Variants in INSC observed in about 807,000 individuals in gnomAD.
The protein encoded by INSC is protein inscuteable homolog.
In INSC, 67 loss-of-function variants were observed where a neutral mutation model predicts 58.6. That is an observed-to-expected ratio of 1.14 (90% confidence interval 0.94 to 1.40). The LOEUF is 1.40. Ranked by LOEUF, INSC falls within the 40% of genes most tolerant of loss-of-function variation. The pLI, the probability that INSC is intolerant of heterozygous loss-of-function variation, is 0.00. For synonymous variants in INSC, 262 were observed against 276.1 expected, an observed-to-expected ratio of 0.95 and a Z score of 0.51; for missense variants, 714 against 692.0, an observed-to-expected ratio of 1.03 and a Z score of -0.36.
At chr11:15,187,863 G>C (rs1850029925) in intron 5 of INSC, among the ~76,000 whole-genome samples, 1 of 151,928 alleles carries the variant, frequency 6.6e-6, no homozygotes, top group Non-Finnish European at 1.5e-5. Flanking sequence ...ATGTCTTCTT[G>C]ATTTCCTGAA....
chr11:15,226,621 C>G (rs955907761), intron 9 of INSC, among the ~76,000 whole-genome samples: 1 of 152,180 alleles, frequency 6.6e-6, no homozygotes, highest in Non-Finnish European at 1.5e-5. Flanking sequence ...TCGTCCTCAA[C>G]TCAGCTTATC....
intron 9 of INSC, among the ~76,000 whole-genome samples, chr11:15,231,060 G>T (rs1052824901): frequency 2.6e-5 from 4 of 152,172 alleles, no homozygotes; most frequent in African/African-American, 9.7e-5. Flanking sequence ...GGCCATGTCT[G>T]CCAGAGGGAG....
intron 5 of INSC, among the ~76,000 whole-genome samples, chr11:15,189,747 C>T (rs1421841349): frequency 3.3e-5 from 5 of 152,270 alleles, no homozygotes; most frequent in East Asian, 1.9e-4. Flanking sequence ...ATGAGGCCCT[C>T]GAAGGTTGCT....
chr11:15,158,771 T>TATAGAATAC lies in INSC; in HGVS notation c.56+9546_56+9547insATACATAGA, dbSNP rs1848905071. ...GTGGGCAGGCTTAAAGGAGATAATA[T>TATAGAATAC]ATAGAGAGGGCTTGGACACTGCCTG... On this transcript the variant is annotated intron_variant, in intron 2 of 12. Transcript: ENST00000379556. Among the ~76,000 whole-genome samples the TATAGAATAC allele has an allele frequency of 2.6e-5, 4 of 151,760 alleles. No homozygotes were observed. In the South Asian group the frequency reaches 8.3e-4, roughly 32 times the overall value.
chr11:15,146,360 A>T (rs1370698771), intron 1 of INSC, among the ~76,000 whole-genome samples: 1 of 152,192 alleles, frequency 6.6e-6, no homozygotes, highest in African/African-American at 2.4e-5. Flanking sequence ...TTTAGACATT[A>T]AGGAATCTTA....
intron 11 of INSC, among the ~76,000 whole-genome samples, chr11:15,239,390 C>CATTT (rs1267732631): frequency 6.6e-6 from 1 of 152,212 alleles, no homozygotes; most frequent in Non-Finnish European, 1.5e-5. Context: ...TTCATATACT[C>CATTT]ATTTATTTAC....
intron 1 of INSC, among the ~76,000 whole-genome samples, chr11:15,148,690 G>C (rs1848555755): frequency 6.6e-6 from 1 of 152,146 alleles, no homozygotes; most frequent in African/African-American, 2.4e-5. Context: ...GTGAATAAGC[G>C]AGTTCTACAG....
rs145231440 is a variant in INSC, at chr11:15,115,528, G to T, written c.-46+525G>T. On this transcript the variant is annotated intron_variant, in intron 1 of 12. Transcript: ENST00000379556. ...CAGCTTTGGTTTCTCAGGGCTTGGA[G>T]AAGGACAGAAGCTCAGAGCCCTCAC... Among the ~76,000 whole-genome samples, 944 of 152,296 alleles carry T rather than the reference G, an allele frequency of 6.2e-3. 6 individuals carry two copies. Among genetic ancestry groups the T allele is most frequent in the Non-Finnish European group, 9.2e-3 (629 of 68,014 alleles).
chr11:15,199,865 C>G (rs1275835041), intron 6 of INSC, among the ~76,000 whole-genome samples: 1 of 152,178 alleles, frequency 6.6e-6, no homozygotes, highest in African/African-American at 2.4e-5. Flanking sequence ...TCCTGCCACT[C>G]TAAATGCCCC....
chr11:15,175,831 C>T lies in INSC; in HGVS notation c.147C>T (p.Ala49=). Reference sequence around the variant, plus strand: ...GCGAGTGCATGTGTGTCCTGCAGGCCAAGCCCATCAGCCTGGAAGAGGATG... The same window carrying T: ...GCGAGTGCATGTGTGTCCTGCAGGCTAAGCCCATCAGCCTGGAAGAGGATG... ...TECECMCVLQ[A]KPISLEEDAQ... Residue 49 remains alanine (A), a synonymous_variant, in exon 3 of 13, where the codon GCC becomes GCT. Transcript: ENST00000379556. 6.2e-7 allele frequency: 1 copy of T among 1,611,938 alleles called. No individual in the cohort carries two copies. The highest frequency in any genetic ancestry group is 8.5e-7 in the Non-Finnish European group (1 of 1,178,248).
chr11:15,162,888 T>A (rs1200979948), intron 2 of INSC, among the ~76,000 whole-genome samples: 1 of 152,188 alleles, frequency 6.6e-6, no homozygotes, highest in Non-Finnish European at 1.5e-5. Context: ...TTAGGTCTAT[T>A]AGATTCACCG....
intron 1 of INSC, among the ~76,000 whole-genome samples, chr11:15,127,530 A>C (rs1272775048): frequency 6.6e-6 from 1 of 152,226 alleles, no homozygotes; most frequent in East Asian, 1.9e-4. Flanking sequence ...CTTGGTCAGC[A>C]TCCTGTCCTG....
intron 6 of INSC, among the ~76,000 whole-genome samples, chr11:15,197,290 G>T (rs572499972): frequency 1.3e-5 from 2 of 152,182 alleles, no homozygotes; most frequent in African/African-American, 2.4e-5. Context: ...AAGATTCAGG[G>T]AGGACTTCCA....
chr11:15,130,542 T>A (rs1266346718), intron 1 of INSC, among the ~76,000 whole-genome samples: 4 of 152,210 alleles, frequency 2.6e-5, no homozygotes, highest in Non-Finnish European at 5.9e-5. Flanking sequence ...GCCTGTATAT[T>A]TCTTTTCTTG....
chr11:15,168,057 A>G (rs1227947095), intron 2 of INSC, among the ~76,000 whole-genome samples: 1 of 151,986 alleles, frequency 6.6e-6, no homozygotes, highest in African/African-American at 2.4e-5. Context: ...GGTCCTCCCC[A>G]TCTGCCTATG....
intron 7 of INSC, among the ~76,000 whole-genome samples, chr11:15,206,895 A>C (rs1419386497): frequency 1.3e-5 from 2 of 152,118 alleles, no homozygotes; most frequent in African/African-American, 2.4e-5. Context: ...TCCCATGCCC[A>C]TTTGTCTCTA....
chr11:15,125,366 T>C (rs1374765015), intron 1 of INSC, among the ~76,000 whole-genome samples: 1 of 152,222 alleles, frequency 6.6e-6, no homozygotes, highest in Non-Finnish European at 1.5e-5. Context: ...TTGAAGAACG[T>C]TGGCTTTTAA....
At chr11:15,178,033 C>T (rs976282831) in intron 4 of INSC, among the ~76,000 whole-genome samples, 4 of 152,188 alleles carry the variant, frequency 2.6e-5, no homozygotes, top group African/African-American at 7.2e-5. Context: ...ACCCTGGCTG[C>T]AATGATGGCA....
chr11:15,231,411 C>T (rs1056945145), intron 9 of INSC, among the ~76,000 whole-genome samples: 5 of 152,170 alleles, frequency 3.3e-5, no homozygotes, highest in South Asian at 2.1e-4. Flanking sequence ...AGAAAAATCA[C>T]GCACAAAAAA....
Sources: allele counts gnomAD v4.1 joint callset (sites outside exome capture counted in the v4.1 genomes callset), GRCh38; gene constraint gnomAD v4.1.1; transcripts MANE v1.5; gene names NCBI Gene and HGNC (gene_info 2026-07-23, HGNC 2026-07-21).